Variants in INPP4B observed in about 807,000 individuals in gnomAD.
The protein encoded by INPP4B is inositol polyphosphate 4-phosphatase type II.
Under a neutral mutation model 122.5 loss-of-function variants are expected in INPP4B, and 55 were observed. That is an observed-to-expected ratio of 0.45 (90% CI 0.36 to 0.56). INPP4B has a LOEUF of 0.56. INPP4B is among the 20% of genes least tolerant of loss of function. The probability of loss-of-function intolerance (pLI) is 0.00; values close to 1 mark genes in which losing one functional copy is unlikely to be tolerated. For missense variants in INPP4B, 1,000 were observed against 1,097.7 expected, an observed-to-expected ratio of 0.91 and a Z score of 1.26; for synonymous variants, 403 against 388.7, an observed-to-expected ratio of 1.04 and a Z score of -0.43.
intron 7 of INPP4B, among the ~76,000 whole-genome samples, chr4:142,370,093 C>T (rs1789288134): frequency 1.3e-5 from 2 of 152,026 alleles, no homozygotes; most frequent in Admixed American, 6.6e-5. Context: ...TACATGCATA[C>T]TCTCATTTAT....
At chr4:142,275,817 T>C (rs1474262409) in intron 9 of INPP4B, among the ~76,000 whole-genome samples, 1 of 151,722 alleles carries the variant, frequency 6.6e-6, no homozygotes, top group African/African-American at 2.4e-5. Flanking sequence ...AGGCTCACCT[T>C]CAGACATTCC....
chr4:142,724,196 C>T (rs1475511910), intron 2 of INPP4B, among the ~76,000 whole-genome samples: 1 of 152,150 alleles, frequency 6.6e-6, no homozygotes, highest in Non-Finnish European at 1.5e-5. Context: ...TTGTTACCTT[C>T]ACTTCAAAAT....
chr4:142,388,963 A>G (rs2148959695), intron 7 of INPP4B, among the ~76,000 whole-genome samples: 1 of 152,238 alleles, frequency 6.6e-6, no homozygotes, highest in South Asian at 2.1e-4. Context: ...CCAATTAAGA[A>G]ACTTAGAGGC....
At chr4:142,319,011 C>A (rs957001535) in intron 7 of INPP4B, among the ~76,000 whole-genome samples, 23 of 152,162 alleles carry the variant, frequency 1.5e-4, no homozygotes, top group Non-Finnish European at 1.0e-4. Flanking sequence ...GGTGGGAGGA[C>A]AGCGAGGACT....
Position 142,374,538 on chromosome 4 carries a change from G to A in INPP4B, c.372+28400C>T, listed in dbSNP as rs569149319. 3.3e-5 allele frequency among the ~76,000 whole-genome samples: 5 copies of A among 151,782 alleles called. No homozygotes were observed. The South Asian group carries it at 1.0e-3, about 32-fold the overall frequency. ...ATATGCCACTATTGAATGTAACTTC[G>A]GATATATTCTTTCATTATTCTACAT... On this transcript the variant is annotated intron_variant, in intron 7 of 25. Transcript: ENST00000262992.
chr4:142,808,977 C>A (rs369814263), intron 1 of INPP4B, among the ~76,000 whole-genome samples: 1 of 152,078 alleles, frequency 6.6e-6, no homozygotes, highest in East Asian at 1.9e-4. Context: ...GTGAAATATA[C>A]AAAATACTTT....
intron 3 of INPP4B, among the ~76,000 whole-genome samples, chr4:142,460,281 T>G (rs1816428326): frequency 6.6e-6 from 1 of 152,176 alleles, no homozygotes. Context: ...GGCTTCAAAA[T>G]TCACCATTGC....
intron 2 of INPP4B, among the ~76,000 whole-genome samples, chr4:142,496,180 AAAGT>A (rs1822542728): frequency 6.6e-6 from 1 of 152,258 alleles, no homozygotes; most frequent in East Asian, 1.9e-4. Context: ...GTAGAATTAC[AAAGT>A]ATGTATTTTT....
At position 142,429,188 on chromosome 4, in the gene INPP4B, A is replaced by G. The variant is rs780168484; in HGVS notation, c.121T>C (p.Leu41=). 4 of 1,567,572 alleles carry G rather than the reference A, an allele frequency of 2.6e-6. No homozygotes were observed. Among genetic ancestry groups the G allele is most frequent in the Non-Finnish European group, 2.6e-6 (3 of 1,142,906 alleles). ...SIQKTPNEPQ[L]EFILACKDLV... ...AATTTCTTACCAAGGATGAATTCCA[A>G]CTGCGGTTCATTTGGAGTCTTCTGG... is the stretch of plus-strand genomic sequence containing the variant. The change falls in exon 5 of 26, where the codon TTG becomes CTG. Residue 41 remains leucine (L), a synonymous_variant. Coordinates refer to ENST00000262992, the MANE Select transcript of INPP4B (RefSeq NM_001101669.3).
Position 142,259,121 on chromosome 4 carries a change from G to A in INPP4B, c.688+1371C>T, listed in dbSNP as rs1222141551. ...TCACAAGAGCAAAAAACCAAACACCGCATATTCTCACTCATAGGTGGGAAT... is the reference window on the plus strand; with the variant it reads ...TCACAAGAGCAAAAAACCAAACACCACATATTCTCACTCATAGGTGGGAAT... On this transcript the variant is annotated intron_variant, in intron 11 of 25. Transcript: ENST00000262992. Among the ~76,000 whole-genome samples, 24 of 146,670 alleles carry A rather than the reference G, an allele frequency of 1.6e-4. No individual in the cohort carries two copies. The South Asian group carries it at 2.8e-3, about 17-fold the overall frequency.
intron 2 of INPP4B, among the ~76,000 whole-genome samples, chr4:142,548,966 GGTAC>G (rs371293108): frequency 1.3e-3 from 205 of 151,972 alleles, no homozygotes; most frequent in African/African-American, 4.6e-3. Flanking sequence ...CTCAAAAATG[GGTAC>G]GCTCTATTGC....
intron 25 of INPP4B, among the ~76,000 whole-genome samples, chr4:142,031,699 T>C (rs1176797709): frequency 6.6e-6 from 1 of 152,208 alleles, no homozygotes; most frequent in Non-Finnish European, 1.5e-5. Context: ...AAATGTACAG[T>C]ATTTTAGGCA....
chr4:142,415,542 T>G (rs998162593), intron 5 of INPP4B, among the ~76,000 whole-genome samples: 3 of 151,992 alleles, frequency 2.0e-5, no homozygotes, highest in African/African-American at 4.8e-5. Context: ...GGAACACTTT[T>G]ACACTGTTGG....
chr4:142,378,530 T>A (rs1792856262), intron 7 of INPP4B, among the ~76,000 whole-genome samples: 1 of 152,126 alleles, frequency 6.6e-6, no homozygotes, highest in African/African-American at 2.4e-5. Flanking sequence ...ATTCCACATG[T>A]ATGCTAGGGA....
intron 2 of INPP4B, among the ~76,000 whole-genome samples, chr4:142,665,434 C>T (rs1755855982): frequency 7.1e-6 from 1 of 140,882 alleles, no homozygotes; most frequent in African/African-American, 2.6e-5. Context: ...GCAGAGCTTG[C>T]AGTGAGCCGA....
chr4:142,639,438 T>C (rs1283243389), intron 2 of INPP4B, among the ~76,000 whole-genome samples: 2 of 152,170 alleles, frequency 1.3e-5, no homozygotes, highest in African/African-American at 4.8e-5. Context: ...AGATTGTCTA[T>C]TTCTTCTTGT....
At chr4:142,060,598 C>A (rs575802807) in intron 25 of INPP4B, among the ~76,000 whole-genome samples, 1 of 152,238 alleles carries the variant, frequency 6.6e-6, no homozygotes, top group African/African-American at 2.4e-5. Context: ...AGCTGTAAGG[C>A]CTTTTGCATG....
At chr4:142,617,835 C>T (rs956339700) in intron 2 of INPP4B, among the ~76,000 whole-genome samples, 1 of 152,092 alleles carries the variant, frequency 6.6e-6, no homozygotes, top group Non-Finnish European at 1.5e-5. Flanking sequence ...ATTGAATTAA[C>T]ACAATTTCCA....
At chr4:142,166,854 A>T (rs1456006293) in intron 16 of INPP4B, among the ~76,000 whole-genome samples, 2 of 151,924 alleles carry the variant, frequency 1.3e-5, no homozygotes, top group African/African-American at 4.8e-5. Context: ...GTCTCATGCC[A>T]GTCAGAATGG....
Sources: allele counts gnomAD v4.1 joint callset (sites outside exome capture counted in the v4.1 genomes callset), GRCh38; gene constraint gnomAD v4.1.1; transcripts MANE v1.5; gene names NCBI Gene and HGNC (gene_info 2026-07-23, HGNC 2026-07-21).